The following ULK4 variants were observed in gnomAD, a reference collection of about 807,000 sequenced individuals.
The protein encoded by ULK4 is inactive serine/threonine-protein kinase ULK4.
ULK4 carries 133 observed loss-of-function variants against 160.6 expected under a neutral mutation model. The observed-to-expected ratio is 0.83, with a 90% CI of 0.72 to 0.96. The LOEUF (loss-of-function observed/expected upper bound fraction) is 0.96. ULK4 is among the 40% of genes least tolerant of loss of function. ULK4 has a pLI of 0.00. For synonymous variants in ULK4, 534 were observed against 539.8 expected (o/e 0.99, Z 0.15); for missense variants, 1,580 against 1,499.5 (o/e 1.05, Z -0.89).
rs560914186 is a variant in ULK4 at position 41,527,588 on chromosome 3, T to C, written c.3226+38437A>G. Among the ~76,000 whole-genome samples, 6 of 152,350 alleles carry C rather than the reference T, an allele frequency of 3.9e-5. No homozygotes were observed. The East Asian group carries it at 1.2e-3, about 29-fold the overall frequency. On this transcript the variant is annotated intron_variant, in intron 32 of 36. Coordinates refer to ENST00000301831, the MANE Select transcript of ULK4 (RefSeq NM_017886.4). Reference sequence around the variant, plus strand: ...AGTGTGGAAGTCTGGCTCCAGACTTTTGGTATCACCACAATGTAATGTTGT... The same window carrying C: ...AGTGTGGAAGTCTGGCTCCAGACTTCTGGTATCACCACAATGTAATGTTGT...
chr3:41,287,308 T>C (rs1336950546), intron 35 of ULK4, among the ~76,000 whole-genome samples: 5 of 152,228 alleles, frequency 3.3e-5, no homozygotes, highest in African/African-American at 1.2e-4. Context: ...AGAAACTTTC[T>C]GTTTAACTTA....
At position 41,702,856 on chromosome 3, in the gene ULK4, T is replaced by TG. The variant is rs138424627; in HGVS notation, c.2781+2200_2781+2201insC. 1.2e-4 allele frequency among the ~76,000 whole-genome samples: 13 copies of TG among 109,314 alleles called. 1 individual carries two copies. The African/African-American group carries it at 1.4e-3, about 12-fold the overall frequency. 71.7% of individuals were successfully genotyped at this position (109,314 alleles called of 152,430 possible). A position where few individuals can be genotyped will look rare whatever the true frequency, so the allele number is the denominator to read the frequency against. Reference sequence around the variant, plus strand: ...GTTTTTTTTGTTTGTTTTTTTTTGGTTTTGTTTTTTTTTTTTGAGATGGAG... The same window carrying TG: ...GTTTTTTTTGTTTGTTTTTTTTTGGTGTTTGTTTTTTTTTTTTGAGATGGAG... On this transcript the variant is annotated intron_variant, in intron 27 of 36. Transcript: ENST00000301831.
intron 31 of ULK4, among the ~76,000 whole-genome samples, chr3:41,606,536 G>A (rs760747313): frequency 2.0e-4 from 31 of 151,982 alleles, no homozygotes; most frequent in Non-Finnish European, 3.8e-4. Context: ...AGTTCTTAAA[G>A]AAATCTTCAT....
At chr3:41,540,194 T>C (rs2086646652) in intron 32 of ULK4, among the ~76,000 whole-genome samples, 3 of 152,128 alleles carry the variant, frequency 2.0e-5, no homozygotes. Context: ...TTTCTCCTAA[T>C]GCTCTCCCTC....
At chr3:41,635,822 T>C (rs996745833) in intron 30 of ULK4, among the ~76,000 whole-genome samples, 2 of 152,224 alleles carry the variant, frequency 1.3e-5, no homozygotes, top group African/African-American at 4.8e-5. Context: ...GTTAGATATA[T>C]TATATCAGGA....
intron 31 of ULK4, among the ~76,000 whole-genome samples, chr3:41,591,508 C>T (rs1028452130): frequency 8.7e-5 from 13 of 148,976 alleles, no homozygotes; most frequent in Non-Finnish European, 1.6e-4. Flanking sequence ...AAAAAAAAAG[C>T]CCATGCATAA....
chr3:41,365,940 T>C (rs1420393090), intron 35 of ULK4, among the ~76,000 whole-genome samples: 2 of 152,224 alleles, frequency 1.3e-5, no homozygotes, highest in African/African-American at 2.4e-5. Flanking sequence ...GATTGCAAAG[T>C]TAATTGTTCA....
chr3:41,734,599 A>T (rs2037963115), intron 22 of ULK4, among the ~76,000 whole-genome samples: 1 of 152,210 alleles, frequency 6.6e-6, no homozygotes, highest in Non-Finnish European at 1.5e-5. Context: ...AGGCTCAGCA[A>T]ATGAAACAGA....
intron 17 of ULK4, among the ~76,000 whole-genome samples, chr3:41,856,032 A>T (rs1016578147): frequency 6.6e-6 from 1 of 152,316 alleles, no homozygotes; most frequent in Non-Finnish European, 1.5e-5. Flanking sequence ...TTAAGAAATT[A>T]GAAAGCATGT....
chr3:41,375,427 C>G (rs1365942958), intron 35 of ULK4, among the ~76,000 whole-genome samples: 1 of 150,072 alleles, frequency 6.7e-6, no homozygotes, highest in Non-Finnish European at 1.5e-5. Flanking sequence ...GGTACCATAA[C>G]AGAGATATAG....
intron 35 of ULK4, among the ~76,000 whole-genome samples, chr3:41,285,086 A>G (rs1017551259): frequency 6.6e-6 from 1 of 152,208 alleles, no homozygotes; most frequent in Non-Finnish European, 1.5e-5. Flanking sequence ...AAAAATCACA[A>G]AACAGTAGAT....
rs192885508 is a variant in ULK4, at chr3:41,603,866, A to G, written c.3120+11803T>C. ...ATTTCATTTACAAATATATTTTTAA[A>G]ATCCTTTAATATGTGCCTGTTAAAT... On this transcript the variant is annotated intron_variant, in intron 31 of 36. Coordinates refer to ENST00000301831, the MANE Select transcript of ULK4 (RefSeq NM_017886.4). Among the ~76,000 whole-genome samples the G allele has an allele frequency of 2.0e-5, 3 of 152,280 alleles. 1 individual carries two copies. In the East Asian group the frequency reaches 5.8e-4, roughly 29 times the overall value.
intron 32 of ULK4, among the ~76,000 whole-genome samples, chr3:41,469,208 T>G (rs1370903961): frequency 6.6e-6 from 1 of 152,050 alleles, no homozygotes; most frequent in Non-Finnish European, 1.5e-5. Flanking sequence ...CAGTCAAGCT[T>G]CAAAGCTCAC....
chr3:41,803,734 T>C (rs112532924), intron 19 of ULK4, among the ~76,000 whole-genome samples: 18,527 of 151,596 alleles, frequency 0.12, 1,309 homozygotes, highest in Middle Eastern at 0.27. Context: ...GAACATGCGG[T>C]GTTTGGTTTT....
At chr3:41,479,666 G>C (rs1349560590) in intron 32 of ULK4, among the ~76,000 whole-genome samples, 1 of 152,142 alleles carries the variant, frequency 6.6e-6, no homozygotes, top group Non-Finnish European at 1.5e-5. Flanking sequence ...GCTAGGGCCT[G>C]TGAAAAACAG....
At chr3:41,262,015 C>T (rs747979260) in intron 35 of ULK4, among the ~76,000 whole-genome samples, 4 of 152,170 alleles carry the variant, frequency 2.6e-5, no homozygotes, top group African/African-American at 4.8e-5. Context: ...CAGGGTGAGG[C>T]GGTGATTAGT....
rs557950197 is a variant in ULK4, at chr3:41,702,979, G to A, written c.2781+2078C>T. 8.7e-5 allele frequency among the ~76,000 whole-genome samples: 13 copies of A among 150,184 alleles called. 1 individual carries two copies. The highest frequency in any genetic ancestry group is 2.0e-4 in the East Asian group (1 of 5,022). On this transcript the variant is annotated intron_variant, in intron 27 of 36. Transcript: ENST00000301831. ...AGCGACTCTCCTGCCCCAGCCTCCC[G>A]AGTAGCTGGGACTACAGGCACACAC...
intron 3 of ULK4, 86 bp downstream of exon 3, chr3:41,938,012 G>T: frequency 1.0e-6 from 1 of 997,628 alleles, no homozygotes; most frequent in Non-Finnish European, 1.4e-6. Context: ...AGTTAACATA[G>T]TAAATAACAT....
At chr3:41,774,206 G>A (rs1300914725) in intron 21 of ULK4, among the ~76,000 whole-genome samples, 1 of 151,726 alleles carries the variant, frequency 6.6e-6, no homozygotes, top group African/African-American at 2.4e-5. Flanking sequence ...GGCAACAAAA[G>A]CCAAAATTGA....
Sources: allele counts gnomAD v4.1 joint callset (sites outside exome capture counted in the v4.1 genomes callset), GRCh38; gene constraint gnomAD v4.1.1; transcripts MANE v1.5; gene names NCBI Gene and HGNC (gene_info 2026-07-23, HGNC 2026-07-21).